Variants in SHTN1 observed in about 807,000 individuals in gnomAD.
The protein encoded by SHTN1 is shootin-1.
In SHTN1, 42 loss-of-function variants were observed where a neutral mutation model predicts 83.1. The ratio of observed to expected loss-of-function variants is 0.51; its 90% CI spans 0.39 to 0.65. The LOEUF is 0.65. Among genes scored for constraint, SHTN1 ranks in the 30% least tolerant of loss-of-function variants. SHTN1 has a pLI of 0.00. For synonymous variants in SHTN1, 224 were observed against 247.7 expected (o/e 0.90, Z 0.90); for missense variants, 622 against 737.8 (o/e 0.84, Z 1.82).
At chr10:116,973,816 C>T (rs1850700387) in intron 2 of SHTN1, 1 of 1,185,282 alleles carries the variant, frequency 8.4e-7, no homozygotes, top group African/African-American at 1.6e-5. Flanking sequence ...AAGATTTAAA[C>T]ATGCCCAGCA....
rs368516583 is a variant in SHTN1, at chr10:117,017,801, A to C, written c.-123+30644T>G. Among the ~76,000 whole-genome samples, 15 of 152,298 alleles carry C rather than the reference A, an allele frequency of 9.8e-5. No homozygotes were observed. The East Asian group carries it at 1.5e-3, about 16-fold the overall frequency. On this transcript the variant is annotated intron_variant, in intron 2 of 17. Coordinates refer to the SHTN1 transcript ENST00000392901. ...ATCCTAGCAGACGGCAGTTTAACTA[A>C]GTGATCAAGGTTAACATCAATAGTG...
intron 16 of SHTN1, among the ~76,000 whole-genome samples, chr10:116,886,992 G>C (rs1246943786): frequency 6.6e-6 from 1 of 152,000 alleles, no homozygotes; most frequent in African/African-American, 2.4e-5. Context: ...CTGGTTGCAG[G>C]GTAGTGCTGA....
At position 116,947,998 on chromosome 10, in the gene SHTN1, A is replaced by T. The variant is rs141818650; in HGVS notation, c.616+918T>A. On this transcript the variant is annotated intron_variant, in intron 7 of 16. Transcript: ENST00000355371. ...AAAAAGATTGACAGCTACCACCAAT[A>T]ACAATAGGGAAGGCCCTGGGTCGCA... Among the ~76,000 whole-genome samples the T allele has an allele frequency of 5.2e-3, 793 of 152,338 alleles. 10 individuals are homozygous for T. The highest frequency in any genetic ancestry group is 0.018 in the African/African-American group (755 of 41,576).
At chr10:116,930,605 CCAG>C (rs1245908230) in intron 9 of SHTN1, among the ~76,000 whole-genome samples, 2 of 152,164 alleles carry the variant, frequency 1.3e-5, no homozygotes, top group African/African-American at 4.8e-5. Flanking sequence ...GTAATATGTA[CCAG>C]ATTTTCTTTA....
intron 3 of SHTN1, among the ~76,000 whole-genome samples, chr10:116,963,009 T>G (rs1266876235): frequency 2.1e-5 from 3 of 145,486 alleles, no homozygotes; most frequent in Non-Finnish European, 4.5e-5. Flanking sequence ...ATATGTAAAT[T>G]TATTTGCACA....
intron 1 of SHTN1, among the ~76,000 whole-genome samples, chr10:117,053,342 GA>G (rs1233867904): frequency 2.0e-5 from 3 of 151,876 alleles, no homozygotes; most frequent in Admixed American, 6.6e-5. Context: ...CAGAATGGGG[GA>G]AAATATTTAT....
chr10:116,921,600 G>A (rs1337472640), intron 11 of SHTN1, 84 bp from the exon 12 acceptor site: 6 of 882,272 alleles, frequency 6.8e-6, no homozygotes, highest in East Asian at 2.5e-5. Flanking sequence ...TCTTTGATAG[G>A]TGCATGAATA....
At chr10:117,104,717 T>A (rs1489120763) in intron 1 of SHTN1, among the ~76,000 whole-genome samples, 2 of 152,112 alleles carry the variant, frequency 1.3e-5, no homozygotes, top group African/African-American at 2.4e-5. Context: ...GAGCTTGCAG[T>A]GAGCCGAGAT....
chr10:117,111,777 G>A (rs1453425374), intron 1 of SHTN1, among the ~76,000 whole-genome samples: 1 of 151,996 alleles, frequency 6.6e-6, no homozygotes, highest in African/African-American at 2.4e-5. Context: ...CAATGTTCTT[G>A]TCACAATCCC....
intron 15 of SHTN1, among the ~76,000 whole-genome samples, chr10:116,905,057 C>T (rs550653177): frequency 1.8e-4 from 28 of 151,458 alleles, no homozygotes; most frequent in South Asian, 4.2e-4. Flanking sequence ...AAAAATTAGC[C>T]GGGCGCGGTG....
chr10:117,043,864 C>G (rs1399319935), intron 2 of SHTN1, among the ~76,000 whole-genome samples: 1 of 151,648 alleles, frequency 6.6e-6, no homozygotes, highest in Non-Finnish European at 1.5e-5. Flanking sequence ...AATAAACAAA[C>G]AAACAAATAA....
At chr10:117,079,179 TC>T (rs377333865) in intron 1 of SHTN1, among the ~76,000 whole-genome samples, 23,543 of 113,540 alleles carry the variant, frequency 0.21, 2,384 homozygotes, top group East Asian at 0.45. Context: ...ATGCTATCCC[TC>T]CCCCCCTCCC....
intron 13 of SHTN1, among the ~76,000 whole-genome samples, chr10:116,914,713 G>A (rs1848320623): frequency 6.6e-6 from 1 of 152,036 alleles, no homozygotes; most frequent in Non-Finnish European, 1.5e-5. Context: ...ACTATTATTG[G>A]GCTTATTTAA....
At chr10:116,973,952 A>G (rs1589858597) in intron 2 of SHTN1, 2 of 1,241,848 alleles carry the variant, frequency 1.6e-6, no homozygotes, top group Non-Finnish European at 1.0e-6. Context: ...GTCTGGCCAG[A>G]ACTGTGCTTT....
At chr10:117,067,986 G>C (rs1434480137) in intron 1 of SHTN1, among the ~76,000 whole-genome samples, 1 of 152,150 alleles carries the variant, frequency 6.6e-6, no homozygotes, top group African/African-American at 2.4e-5. Flanking sequence ...GACATAAAGA[G>C]TCCAAAGCAT....
intron 1 of SHTN1, among the ~76,000 whole-genome samples, chr10:117,065,951 C>T (rs1350990768): frequency 6.8e-6 from 1 of 147,642 alleles, no homozygotes; most frequent in East Asian, 2.1e-4. Context: ...TGCCTGTGGT[C>T]CCAACAGTTT....
rs189347285 is a variant in SHTN1, at chr10:116,959,454, A to G, written c.267+682T>C. On this transcript the variant is annotated intron_variant, in intron 4 of 16. Coordinates refer to ENST00000355371, the MANE Select transcript of SHTN1 (RefSeq NM_001127211.3). ...TGGGTGATGGAGGGGAGGGAAAAGA[A>G]ACACAACCAGTATTACTAATGAAAT... 7.9e-4 allele frequency among the ~76,000 whole-genome samples: 120 copies of G among 152,332 alleles called. 1 individual carries two copies. In the East Asian group the frequency reaches 0.017, roughly 22 times the overall value.
intron 16 of SHTN1, chr10:116,900,515 T>A: frequency 6.6e-7 from 1 of 1,511,422 alleles, no homozygotes; most frequent in Non-Finnish European, 8.9e-7. Flanking sequence ...GAGGAAGGAG[T>A]TGCAGTATTT....
intron 1 of SHTN1, among the ~76,000 whole-genome samples, chr10:117,123,812 G>A (rs914588894): frequency 3.3e-5 from 5 of 150,752 alleles, no homozygotes; most frequent in African/African-American, 9.8e-5. Context: ...GGGAGGCTGA[G>A]ACACGAGAAC....
Sources: allele counts gnomAD v4.1 joint callset (sites outside exome capture counted in the v4.1 genomes callset), GRCh38; gene constraint gnomAD v4.1.1; transcripts MANE v1.5; gene names NCBI Gene and HGNC (gene_info 2026-07-23, HGNC 2026-07-21).